NAV2: variants seen among roughly 807,000 people sequenced by gnomAD.
NAV2 encodes neuron navigator 2.
In NAV2, 54 loss-of-function variants were observed where a neutral mutation model predicts 223.2. That is an observed-to-expected ratio of 0.24 (90% CI 0.19 to 0.30). NAV2 has a LOEUF of 0.30. NAV2 is among the 10% of genes least tolerant of loss of function. The pLI, the probability that NAV2 is intolerant of heterozygous loss-of-function variation, is 1.00. For missense variants in NAV2, 2,806 were observed against 3,147.5 expected (o/e 0.89, Z 2.60); for synonymous variants, 1,279 against 1,239.3 (o/e 1.03, Z -0.67).
intron 11 of NAV2, among the ~76,000 whole-genome samples, chr11:20,033,828 G>A (rs565435017): frequency 2.2e-4 from 33 of 152,346 alleles, no homozygotes; most frequent in African/African-American, 6.3e-4. Flanking sequence ...TTATGTGTGT[G>A]TGTGGCAGAC....
intron 1 of NAV2, among the ~76,000 whole-genome samples, chr11:19,463,329 C>G (rs114004924): frequency 0.027 from 4,050 of 152,320 alleles, 173 homozygotes; most frequent in African/African-American, 0.092. Context: ...AAGTTGCCTT[C>G]GAGCAGCTCA....
chr11:19,570,053 C>T (rs960793927), intron 1 of NAV2, among the ~76,000 whole-genome samples: 2 of 152,144 alleles, frequency 1.3e-5, no homozygotes, highest in Non-Finnish European at 2.9e-5. Flanking sequence ...TCCTTCCCTT[C>T]AAATTTTGGG....
chr11:20,015,658 A>C (rs2053942916), intron 11 of NAV2, among the ~76,000 whole-genome samples: 2 of 152,164 alleles, frequency 1.3e-5, no homozygotes, highest in South Asian at 4.1e-4. Context: ...GTAGAGAGAG[A>C]CATCTTCTCT....
intron 37 of NAV2, among the ~76,000 whole-genome samples, chr11:20,115,408 G>A (rs1306694227): frequency 6.6e-6 from 1 of 152,078 alleles, no homozygotes; most frequent in Non-Finnish European, 1.5e-5. Context: ...GCCAAGGCGG[G>A]TGGATCGAGG....
chr11:19,773,814 C>T (rs149180002), intron 1 of NAV2, among the ~76,000 whole-genome samples: 285 of 152,280 alleles, frequency 1.9e-3, no homozygotes, highest in African/African-American at 6.6e-3. Context: ...GTCCTCATAC[C>T]CATCCCCTGC....
At chr11:19,781,325 C>G (rs1476723908) in intron 1 of NAV2, among the ~76,000 whole-genome samples, 3 of 152,192 alleles carry the variant, frequency 2.0e-5, no homozygotes, top group Non-Finnish European at 2.9e-5. Context: ...TGCTGCAGTT[C>G]TCTCTGTGAG....
chr11:19,453,548 G>A (rs1353058826), intron 1 of NAV2, among the ~76,000 whole-genome samples: 1 of 152,186 alleles, frequency 6.6e-6, no homozygotes, highest in Admixed American at 6.5e-5. Context: ...GACACCTTCT[G>A]GAGCCCCCAT....
At chr11:19,621,333 C>T (rs2046988209) in intron 1 of NAV2, among the ~76,000 whole-genome samples, 1 of 152,160 alleles carries the variant, frequency 6.6e-6, no homozygotes, top group Non-Finnish European at 1.5e-5. Context: ...AGGAATGGTA[C>T]CAGCTCCTCC....
exon 1 of NAV2, chr11:19,350,875 A>G: frequency 7.0e-7 from 1 of 1,421,656 alleles, no homozygotes; most frequent in Non-Finnish European, 9.7e-7. Flanking sequence ...TGCATGCATC[A>G]CTTTTGTGTG....
intron 1 of NAV2, among the ~76,000 whole-genome samples, chr11:19,453,114 G>A (rs1851845617): frequency 6.6e-6 from 1 of 152,160 alleles, no homozygotes; most frequent in East Asian, 1.9e-4. Flanking sequence ...ATCATAACTG[G>A]GATTGCTACA....
intron 3 of NAV2, among the ~76,000 whole-genome samples, chr11:19,867,824 A>G (rs1472603232): frequency 6.6e-6 from 1 of 152,222 alleles, no homozygotes; most frequent in Non-Finnish European, 1.5e-5. Context: ...ATAAAATGCC[A>G]AATGTCAATA....
chr11:19,602,364 G>A (rs1275336764), intron 1 of NAV2, among the ~76,000 whole-genome samples: 3 of 151,960 alleles, frequency 2.0e-5, no homozygotes, highest in Non-Finnish European at 4.4e-5. Flanking sequence ...TTTTAGTAGA[G>A]ATGGGGTTTC....
rs1294841592 is a variant in NAV2 at position 20,055,931 on chromosome 11, G to A, written c.4805G>A (p.Gly1602Asp). The change falls in exon 19 of 38, where the codon GGC (glycine) becomes GAC (aspartate). Residue 1602 changes from glycine to aspartate, a missense_variant. Physicochemically the swap from Gly to Asp is moderately conservative, Grantham distance 94. Coordinates refer to ENST00000349880, the MANE Select transcript of NAV2 (RefSeq NM_145117.5). The part of the protein sequence containing the change: ...DEKSRTMSRS[G>D]SFRDGFEEVH... ...AAGAGCAGAACCATGAGCCGTTCAG[G>A]CTCATTCCGGGATGGGTTTGAAGAA... 6.2e-7 allele frequency: 1 copy of A among 1,614,040 alleles called. No homozygotes were observed. Among genetic ancestry groups the A allele is most frequent in the Non-Finnish European group, 8.5e-7 (1 of 1,180,020 alleles).
chr11:19,701,896 C>T (rs1475977973), intron 1 of NAV2, among the ~76,000 whole-genome samples: 1 of 152,190 alleles, frequency 6.6e-6, no homozygotes, highest in Non-Finnish European at 1.5e-5. Context: ...TTCAAATGCT[C>T]TCAGGGCCCA....
At chr11:19,684,849 A>G (rs2048976967) in intron 1 of NAV2, among the ~76,000 whole-genome samples, 1 of 152,218 alleles carries the variant, frequency 6.6e-6, no homozygotes, top group South Asian at 2.1e-4. Flanking sequence ...CTATGGGCTC[A>G]AGAGCCCTTG....
intron 1 of NAV2, among the ~76,000 whole-genome samples, chr11:19,737,076 C>A (rs148067899): frequency 6.6e-6 from 1 of 152,240 alleles, no homozygotes; most frequent in Non-Finnish European, 1.5e-5. Context: ...AAGGCAACAC[C>A]ACTGGGGTAA....
At chr11:19,710,963 A>T (rs1367553011), upstream of NAV2, 1 of 152,252 alleles carries the variant, frequency 6.6e-6, no homozygotes, top group Non-Finnish European at 1.5e-5. Flanking sequence ...ATTCTCTAAG[A>T]TGAAAATGAA....
intron 1 of NAV2, among the ~76,000 whole-genome samples, chr11:19,692,037 A>T (rs1396845985): frequency 6.6e-6 from 1 of 152,208 alleles, no homozygotes; most frequent in Non-Finnish European, 1.5e-5. Flanking sequence ...CATGAGAGAC[A>T]CAGTCTGTGA....
rs76958883 is a variant in NAV2 at position 19,757,984 on chromosome 11, G to A, written c.267+44022G>A. On this transcript the variant is annotated intron_variant, in intron 1 of 37. Transcript: ENST00000349880. ...TACCATCATCATTGCCCAGTTATTG[G>A]AACCTGGTCTTCGACAAACCCCAAA... Among the ~76,000 whole-genome samples the A allele has an allele frequency of 4.0e-3, 606 of 152,200 alleles. 3 individuals carry two copies. The highest frequency in any genetic ancestry group is 0.014 in the African/African-American group (580 of 41,514).
Sources: gnomAD v4.1 joint callset for allele counts (sites outside exome capture counted in the v4.1 genomes callset) on GRCh38, gnomAD v4.1.1 for gene constraint, MANE v1.5 for transcripts, NCBI Gene and HGNC (gene_info 2026-07-23, HGNC 2026-07-21) for gene names.